EPHA6: variants seen among roughly 807,000 people sequenced by gnomAD.
EPHA6 encodes ephrin type-A receptor 6.
A neutral mutation model predicts 112.0 loss-of-function variants in EPHA6; 50 were observed. The ratio of observed to expected loss-of-function variants is 0.45; its 90% confidence interval spans 0.36 to 0.56. The LOEUF (loss-of-function observed/expected upper bound fraction) is 0.56. Among genes scored for constraint, EPHA6 ranks in the 20% least tolerant of loss-of-function variants. The pLI is 0.00. For missense variants in EPHA6, 1,280 were observed against 1,417.4 expected (o/e 0.90, Z 1.56); for synonymous variants, 529 against 490.7 (o/e 1.08, Z -1.03).
At chr3:96,950,500 G>A (rs2041480903) in intron 2 of EPHA6, among the ~76,000 whole-genome samples, 2 of 152,012 alleles carry the variant, frequency 1.3e-5, no homozygotes, top group African/African-American at 4.8e-5. Context: ...CTTTTTCTCA[G>A]TTATAATATA....
In EPHA6 at chr3:97,756,854, C is replaced by A. The variant is rs974171804; in HGVS notation, c.*8153C>A. On this transcript the variant is annotated 3_prime_UTR_variant, in exon 18 of 18. Transcript: ENST00000389672. ...TATTATTCATTTTGTTAGTCACATT[C>A]CACCTTGGATTGTGACATTGAAAAA... 6.6e-6 allele frequency among the ~76,000 whole-genome samples: 1 copy of A among 151,698 alleles called. No homozygotes were observed. The highest frequency in any genetic ancestry group is 2.4e-5 in the African/African-American group (1 of 41,374).
chr3:96,834,029 T>A (rs1251943322), intron 1 of EPHA6, among the ~76,000 whole-genome samples: 1 of 152,042 alleles, frequency 6.6e-6, no homozygotes, highest in Non-Finnish European at 1.5e-5. Flanking sequence ...ATTTTAACTA[T>A]CAATTATACA....
chr3:96,856,195 G>A (rs181031231), intron 1 of EPHA6, among the ~76,000 whole-genome samples: 5 of 151,980 alleles, frequency 3.3e-5, no homozygotes, highest in Admixed American at 6.5e-5. Flanking sequence ...AGCGGAGATC[G>A]CGCCACTGCA....
chr3:97,031,939 G>A (rs188930839), intron 3 of EPHA6, among the ~76,000 whole-genome samples: 51 of 152,114 alleles, frequency 3.4e-4, no homozygotes, highest in Admixed American at 7.9e-4. Flanking sequence ...CAGCCATCCC[G>A]TTACTGGGTA....
At chr3:96,990,125 A>G (rs2043161976) in intron 3 of EPHA6, among the ~76,000 whole-genome samples, 1 of 152,300 alleles carries the variant, frequency 6.6e-6, no homozygotes, top group Non-Finnish European at 1.5e-5. Context: ...GAATTATTTA[A>G]TCTAAGAATT....
chr3:97,057,718 G>C (rs546822642), intron 3 of EPHA6, among the ~76,000 whole-genome samples: 4 of 152,288 alleles, frequency 2.6e-5, no homozygotes, highest in Non-Finnish European at 5.9e-5. Flanking sequence ...GTATATAAGA[G>C]TGGGATATTT....
chr3:97,585,898 T>A (rs1275628367), intron 11 of EPHA6, among the ~76,000 whole-genome samples: 1 of 152,192 alleles, frequency 6.6e-6, no homozygotes, highest in Admixed American at 6.5e-5. Flanking sequence ...GATGTGGCAA[T>A]AAATATTTAT....
chr3:96,820,300 T>A (rs1186585278), intron 1 of EPHA6, among the ~76,000 whole-genome samples: 3 of 151,944 alleles, frequency 2.0e-5, no homozygotes, highest in Non-Finnish European at 4.4e-5. Context: ...TTTTGACCAG[T>A]TGAGTAAAAT....
At chr3:97,519,967 A>AT (rs570022502) in intron 10 of EPHA6, among the ~76,000 whole-genome samples, 3,280 of 133,720 alleles carry the variant, frequency 0.025, 86 homozygotes, top group African/African-American at 0.062. Context: ...TTTGGATGCA[A>AT]TTTTTTTTTT....
chr3:97,118,899 C>T (rs2047967152), intron 3 of EPHA6, among the ~76,000 whole-genome samples: 1 of 151,940 alleles, frequency 6.6e-6, no homozygotes. Flanking sequence ...CAGATCGATA[C>T]CATCTCTTCA....
At chr3:97,046,961 T>C (rs2045528889) in intron 3 of EPHA6, among the ~76,000 whole-genome samples, 1 of 152,128 alleles carries the variant, frequency 6.6e-6, no homozygotes, top group East Asian at 1.9e-4. Context: ...AGTTTAAAAT[T>C]TTTATTGATA....
chr3:97,533,833 G>A (rs558044679), intron 11 of EPHA6, among the ~76,000 whole-genome samples: 21 of 152,142 alleles, frequency 1.4e-4, no homozygotes, highest in Non-Finnish European at 2.4e-4. Context: ...AACTCCAAGC[G>A]GAATGTCAGC....
intron 3 of EPHA6, among the ~76,000 whole-genome samples, chr3:97,082,056 G>C (rs1337609041): frequency 6.6e-6 from 1 of 151,518 alleles, no homozygotes; most frequent in Non-Finnish European, 1.5e-5. Context: ...TGATTGAAAA[G>C]TAAAAATTAT....
intron 2 of EPHA6, among the ~76,000 whole-genome samples, chr3:96,969,384 G>A (rs186765640): frequency 2.6e-5 from 4 of 151,830 alleles, no homozygotes; most frequent in Admixed American, 1.3e-4. Context: ...GCCGATGATC[G>A]TGGATATAAT....
At chr3:97,596,885 T>TATATAC (rs1364285607) in intron 12 of EPHA6, among the ~76,000 whole-genome samples, 1 of 133,842 alleles carries the variant, frequency 7.5e-6, no homozygotes, top group Admixed American at 8.9e-5. Flanking sequence ...AATATATATA[T>TATATAC]ATATATATAT....
intron 14 of EPHA6, among the ~76,000 whole-genome samples, chr3:97,651,711 A>T (rs541723134): frequency 6.6e-6 from 1 of 152,232 alleles, no homozygotes; most frequent in East Asian, 1.9e-4. Flanking sequence ...GAACAAACCC[A>T]GACTATATTG....
intron 5 of EPHA6, among the ~76,000 whole-genome samples, chr3:97,373,936 A>G (rs1194969504): frequency 6.6e-6 from 1 of 152,130 alleles, no homozygotes; most frequent in Non-Finnish European, 1.5e-5. Context: ...AGAAAGTTCT[A>G]CTTTAAAAAG....
chr3:97,267,403 C>T (rs1196691605), intron 5 of EPHA6, among the ~76,000 whole-genome samples: 2 of 151,726 alleles, frequency 1.3e-5, no homozygotes, highest in Non-Finnish European at 2.9e-5. Flanking sequence ...CAGAGTCCAC[C>T]CCTATTAGAA....
intron 3 of EPHA6, among the ~76,000 whole-genome samples, chr3:97,050,077 A>G (rs897194462): frequency 4.6e-5 from 7 of 152,110 alleles, no homozygotes; most frequent in African/African-American, 1.7e-4. Flanking sequence ...CAAGTTAAAT[A>G]TTTTCTTCTG....
Sources: gnomAD v4.1 joint callset for allele counts (sites outside exome capture counted in the v4.1 genomes callset) on GRCh38, gnomAD v4.1.1 for gene constraint, MANE v1.5 for transcripts, NCBI Gene and HGNC (gene_info 2026-07-23, HGNC 2026-07-21) for gene names.